Variants in DLG2 observed in about 807,000 individuals in gnomAD.
DLG2 encodes the protein disks large homolog 2.
A neutral mutation model predicts 132.5 loss-of-function variants in DLG2; 45 were observed. The ratio of observed to expected loss-of-function variants is 0.34; its 90% CI spans 0.27 to 0.44. The LOEUF (loss-of-function observed/expected upper bound fraction) is 0.44. DLG2 is among the 20% of genes least tolerant of loss of function. DLG2 has a pLI of 1.00. For missense variants in DLG2, 1,045 were observed against 1,196.9 expected (o/e 0.87, Z 1.87); for synonymous variants, 424 against 419.6 (o/e 1.01, Z -0.13).
At chr11:83,651,866 G>T (rs896119990) in intron 18 of DLG2, 1 of 471,100 alleles carries the variant, frequency 2.1e-6, no homozygotes, top group Non-Finnish European at 4.4e-6. Flanking sequence ...AGGTCACATT[G>T]GCTGTCAAAG....
chr11:85,194,609 C>T (rs2080888852), intron 4 of DLG2, among the ~76,000 whole-genome samples: 1 of 151,512 alleles, frequency 6.6e-6, no homozygotes, highest in Non-Finnish European at 1.5e-5. Flanking sequence ...TCACCCCCAC[C>T]CCCGCCAAAG....
At chr11:83,833,473 G>T in intron 17 of DLG2, 141 bp downstream of exon 17, 1 of 871,014 alleles carries the variant, frequency 1.1e-6, no homozygotes, top group Non-Finnish European at 1.7e-6. Context: ...AAACAAAATT[G>T]TGACATGCAC....
chr11:85,324,506 T>A (rs1226076772), intron 3 of DLG2, among the ~76,000 whole-genome samples: 1 of 152,210 alleles, frequency 6.6e-6, no homozygotes, highest in Non-Finnish European at 1.5e-5. Context: ...ATCTGATTAC[T>A]GATACACTGG....
At chr11:84,043,293 C>A (rs1463784338) in intron 11 of DLG2, among the ~76,000 whole-genome samples, 1 of 151,412 alleles carries the variant, frequency 6.6e-6, no homozygotes, top group Non-Finnish European at 1.5e-5. Context: ...CTTTTCAATT[C>A]ATCATCAGAT....
At chr11:85,396,253 A>C (rs991575009) in intron 3 of DLG2, among the ~76,000 whole-genome samples, 2 of 152,186 alleles carry the variant, frequency 1.3e-5, no homozygotes, top group Non-Finnish European at 2.9e-5. Flanking sequence ...AGACATCCAC[A>C]CCGAAACCCC....
chr11:85,014,576 C>A (rs1451965649), intron 6 of DLG2, among the ~76,000 whole-genome samples: 2 of 152,180 alleles, frequency 1.3e-5, no homozygotes, highest in Non-Finnish European at 2.9e-5. Flanking sequence ...CTGGCTCTGC[C>A]CATGGTAAGG....
intron 6 of DLG2, among the ~76,000 whole-genome samples, chr11:85,092,068 C>G (rs1055737191): frequency 3.9e-5 from 6 of 152,170 alleles, no homozygotes; most frequent in African/African-American, 1.2e-4. Flanking sequence ...AATAATAAGA[C>G]TTGAAAATTA....
chr11:84,896,570 G>T (rs2090212545), intron 6 of DLG2, among the ~76,000 whole-genome samples: 1 of 151,968 alleles, frequency 6.6e-6, no homozygotes, highest in Non-Finnish European at 1.5e-5. Context: ...CTCACCATAT[G>T]CCAGACTGTC....
chr11:84,011,489 AT>A (rs1424350499), intron 11 of DLG2, among the ~76,000 whole-genome samples: 17 of 150,460 alleles, frequency 1.1e-4, no homozygotes, highest in East Asian at 5.8e-4. Flanking sequence ...AAATAAATAA[AT>A]TAATTAATTA....
intron 3 of DLG2, among the ~76,000 whole-genome samples, chr11:85,415,193 TC>T (rs1449800367): frequency 6.6e-6 from 1 of 152,146 alleles, no homozygotes; most frequent in African/African-American, 2.4e-5. Flanking sequence ...CATGAACTCA[TC>T]CTTTTTATGG....
chr11:83,518,235 C>A (rs951051283), intron 21 of DLG2, among the ~76,000 whole-genome samples: 3 of 152,232 alleles, frequency 2.0e-5, no homozygotes, highest in African/African-American at 7.2e-5. Flanking sequence ...AGCCCCTCCC[C>A]CAGCCTTGCT....
chr11:84,552,548 G>T (rs1055861189), intron 6 of DLG2, among the ~76,000 whole-genome samples: 7 of 152,118 alleles, frequency 4.6e-5, no homozygotes, highest in African/African-American at 1.7e-4. Context: ...CTCACCCCCA[G>T]ACTGCGGTCA....
chr11:84,523,357 A>G (rs1379389413), intron 7 of DLG2, among the ~76,000 whole-genome samples: 1 of 152,202 alleles, frequency 6.6e-6, no homozygotes, highest in Non-Finnish European at 1.5e-5. Flanking sequence ...ACAGCTAGAA[A>G]GCAACTAAGC....
rs909729428 is a variant in DLG2 at position 84,721,493 on chromosome 11, T to C, written c.358-186762A>G. Among the ~76,000 whole-genome samples, 5 of 151,802 alleles carry C rather than the reference T, an allele frequency of 3.3e-5. 1 individual carries two copies. Among genetic ancestry groups the C allele is most frequent in the Middle Eastern group, 6.8e-3 (2 of 294 alleles). On this transcript the variant is annotated intron_variant, in intron 6 of 27. Transcript: ENST00000376104. ...AATGACAAGACTGATGGATGTTTTATTGTTTGTTTGTTTTTTTGTTTTTAA... is the reference window on the plus strand; with the variant it reads ...AATGACAAGACTGATGGATGTTTTACTGTTTGTTTGTTTTTTTGTTTTTAA...
At chr11:83,691,787 C>T (rs963802778) in intron 18 of DLG2, among the ~76,000 whole-genome samples, 3 of 152,104 alleles carry the variant, frequency 2.0e-5, no homozygotes, top group African/African-American at 4.8e-5. Context: ...TGGGTTGTAA[C>T]GTGGATACCG....
chr11:85,419,609 C>A (rs908363529), intron 3 of DLG2, among the ~76,000 whole-genome samples: 20 of 152,314 alleles, frequency 1.3e-4, no homozygotes, highest in African/African-American at 4.3e-4. Flanking sequence ...TCCCATATTT[C>A]TTGAAGGCTT....
chr11:85,534,076 C>A (rs995479931), intron 3 of DLG2, among the ~76,000 whole-genome samples: 5 of 152,134 alleles, frequency 3.3e-5, no homozygotes, highest in Non-Finnish European at 7.3e-5. Flanking sequence ...CAGTCCCCAC[C>A]TCCCAGGTTC....
chr11:84,561,752 A>G (rs1458151714), intron 6 of DLG2, among the ~76,000 whole-genome samples: 1 of 152,176 alleles, frequency 6.6e-6, no homozygotes, highest in African/African-American at 2.4e-5. Flanking sequence ...TGCTAAGAAA[A>G]TATTTGAAAG....
chr11:84,546,025 G>T (rs1051509916), intron 6 of DLG2, among the ~76,000 whole-genome samples: 1 of 152,030 alleles, frequency 6.6e-6, no homozygotes, highest in African/African-American at 2.4e-5. Flanking sequence ...CGAAGTGCTG[G>T]GATTGTGAGA....
Sources: gnomAD v4.1 joint callset for allele counts (sites outside exome capture counted in the v4.1 genomes callset) on GRCh38, gnomAD v4.1.1 for gene constraint, MANE v1.5 for transcripts, NCBI Gene and HGNC (gene_info 2026-07-23, HGNC 2026-07-21) for gene names.